Variants in STK4 observed in about 807,000 individuals in gnomAD.
STK4 encodes serine/threonine-protein kinase 4.
A neutral mutation model predicts 64.9 loss-of-function variants in STK4; 30 were observed. The ratio of observed to expected loss-of-function variants is 0.46; its 90% CI spans 0.35 to 0.63. STK4 has a LOEUF of 0.63. Ranked by LOEUF, STK4 falls within the 20% of genes least tolerant of loss-of-function variation. STK4 has a pLI of 0.01. For synonymous variants in STK4, 177 were observed against 199.0 expected (o/e 0.89, Z 0.93); for missense variants, 466 against 598.5 (o/e 0.78, Z 2.31).
chr20:45,050,983 C>T (rs902915432), intron 10 of STK4, among the ~76,000 whole-genome samples: 2 of 152,110 alleles, frequency 1.3e-5, no homozygotes, highest in East Asian at 1.9e-4. Flanking sequence ...TTAAAAAATA[C>T]ATAATTAATT....
intron 9 of STK4, among the ~76,000 whole-genome samples, chr20:45,023,862 T>G (rs2145379081): frequency 6.6e-6 from 1 of 151,822 alleles, no homozygotes; most frequent in East Asian, 1.9e-4. Context: ...TTTAATCAAT[T>G]CTATTTATTT....
At chr20:45,011,885 G>C (rs2068057667) in intron 9 of STK4, among the ~76,000 whole-genome samples, 1 of 150,944 alleles carries the variant, frequency 6.6e-6, no homozygotes, top group African/African-American at 2.4e-5. Flanking sequence ...TTTTCCATCT[G>C]AAAGACTTGC....
intron 1 of STK4, chr20:44,970,642 T>C (rs1043734702): frequency 3.9e-5 from 6 of 152,246 alleles, no homozygotes; most frequent in Non-Finnish European, 7.3e-5. Context: ...ATTTAATTTT[T>C]AGGACCTTTT....
chr20:45,036,952 A>G (rs2068538045), intron 10 of STK4, among the ~76,000 whole-genome samples: 1 of 152,152 alleles, frequency 6.6e-6, no homozygotes, highest in African/African-American at 2.4e-5. Flanking sequence ...GTATTTGTCA[A>G]TTAAAAGAAA....
At chr20:44,989,409 G>A (rs535403266) in intron 5 of STK4, among the ~76,000 whole-genome samples, 1 of 151,934 alleles carries the variant, frequency 6.6e-6, no homozygotes, top group Non-Finnish European at 1.5e-5. Context: ...GGGTATCTTT[G>A]GGAAAATGTC....
chr20:45,018,202 A>AGTT lies in STK4; in HGVS notation c.1148-6746_1148-6744dup, dbSNP rs555205856. On this transcript the variant is annotated intron_variant, in intron 9 of 10. Transcript: ENST00000372806. ...AGGAAAACATTTGCAGGATTACCAG[A>AGTT]GTTGTTGTTGTTGTTGTTGTTGTTG... 1.7e-3 allele frequency among the ~76,000 whole-genome samples: 259 copies of AGTT among 152,038 alleles called. 1 individual carries two copies. Among genetic ancestry groups the AGTT allele is most frequent in the South Asian group, 4.2e-3 (20 of 4,818 alleles).
chr20:45,066,181 T>TACACACACACACAC (rs11472596), intron 10 of STK4, among the ~76,000 whole-genome samples: 44 of 147,620 alleles, frequency 3.0e-4, no homozygotes, highest in South Asian at 1.7e-3. Flanking sequence ...ATTATATATC[T>TACACACACACACAC]ACACACACAC....
chr20:45,053,194 A>T (rs913327838), intron 10 of STK4: 2 of 1,604,554 alleles, frequency 1.2e-6, no homozygotes, highest in African/African-American at 1.3e-5. Context: ...AATGAATGTC[A>T]TCTTTGTCTC....
At chr20:44,990,317 C>T (rs1452995357) in intron 5 of STK4, among the ~76,000 whole-genome samples, 2 of 149,484 alleles carry the variant, frequency 1.3e-5, no homozygotes, top group Non-Finnish European at 3.0e-5. Flanking sequence ...ATGGATTTGC[C>T]TTATTTTCAG....
chr20:45,001,311 G>T lies in STK4; in HGVS notation c.1105G>T (p.Val369Leu). Residue 369 changes from valine to leucine, a missense_variant, in exon 9 of 11, where the codon GTG becomes TTG. Around this residue, in one of 2 missense-constraint regions of STK4, gnomAD observed 276 missense variants for 308.9 expected, o/e 0.89. Transcript: ENST00000372806. Reference sequence around the variant, plus strand: ...GTTGCCATCACAACTGGGCACCATGGTGATCAATGCAGAGGATGAGGAAGA... The same window carrying T: ...GTTGCCATCACAACTGGGCACCATGTTGATCAATGCAGAGGATGAGGAAGA... ...DTLPSQLGTM[V>L]INAEDEEEEG... 1.2e-6 allele frequency: 2 copies of T among 1,614,158 alleles called. No homozygotes were observed. Among genetic ancestry groups the T allele is most frequent in the Non-Finnish European group, 1.7e-6 (2 of 1,179,998 alleles).
In STK4 at chr20:45,011,283, G is replaced by A. The variant is rs145379024; in HGVS notation, c.1147+9930G>A. Among the ~76,000 whole-genome samples the A allele has an allele frequency of 9.2e-5, 14 of 152,228 alleles. No homozygotes were observed. The East Asian group carries it at 2.7e-3, about 29-fold the overall frequency. ...TCTCTGGGCCAGCAGAGGGAGCTCT[G>A]TATTAAGTTAATGGGTTATAATCGT... On this transcript the variant is annotated intron_variant, in intron 9 of 10. Coordinates refer to ENST00000372806, the MANE Select transcript of STK4 (RefSeq NM_006282.5).
intron 10 of STK4, among the ~76,000 whole-genome samples, chr20:45,062,640 G>A (rs921613007): frequency 1.1e-4 from 17 of 152,088 alleles, no homozygotes; most frequent in African/African-American, 3.9e-4. Flanking sequence ...GATGTGAGAC[G>A]ATAATCTTAC....
intron 10 of STK4, among the ~76,000 whole-genome samples, chr20:45,051,606 T>C (rs1361286898): frequency 6.6e-6 from 1 of 152,254 alleles, no homozygotes; most frequent in African/African-American, 2.4e-5. Flanking sequence ...ACTGCAGCGA[T>C]GCATTGCTCT....
chr20:44,981,777 A>T, intron 3 of STK4, 52 bp from the exon 4 acceptor site: 2 of 1,046,454 alleles, frequency 1.9e-6, no homozygotes, highest in Non-Finnish European at 3.0e-6. Context: ...AGCATGAATT[A>T]AGAGATATTT....
chr20:44,968,607 C>T (rs1222421584), intron 1 of STK4, among the ~76,000 whole-genome samples: 1 of 152,190 alleles, frequency 6.6e-6, no homozygotes. Flanking sequence ...TTTCTTTCTC[C>T]GAGGCCTTGG....
intron 10 of STK4, among the ~76,000 whole-genome samples, chr20:45,067,138 ACTTT>A (rs1293338058): frequency 2.0e-5 from 3 of 151,874 alleles, no homozygotes; most frequent in African/African-American, 7.3e-5. Flanking sequence ...ACTTTTCCGG[ACTTT>A]CTAGTGGCCA....
chr20:44,976,962 A>G (rs2067349680), intron 2 of STK4, among the ~76,000 whole-genome samples: 1 of 152,204 alleles, frequency 6.6e-6, no homozygotes, highest in Non-Finnish European at 1.5e-5. Flanking sequence ...AGTCTTTCCC[A>G]GAAACCTTTC....
Position 45,075,872 on chromosome 20 carries a change from G to A in STK4, c.*696G>A, listed in dbSNP as rs1272052935. 6.5e-6 allele frequency: 1 copy of A among 152,692 alleles called. No homozygotes were observed. Among genetic ancestry groups the A allele is most frequent in the Admixed American group, 6.5e-5 (1 of 15,280 alleles). The allele number at this position is 152,692 out of a possible 1,614,324, so 9.5% of individuals were successfully genotyped here. ...GTTTACTCTTTGAGTCCCAGGAGAA[G>A]CCTGGCACCCTCTTTGCAAATTGGC... On this transcript the variant is annotated 3_prime_UTR_variant, in exon 11 of 11. Coordinates refer to ENST00000372806, the MANE Select transcript of STK4 (RefSeq NM_006282.5).
intron 10 of STK4, 28 bp from the exon 11 acceptor site, chr20:45,074,990 G>T: frequency 6.2e-7 from 1 of 1,613,344 alleles, no homozygotes; most frequent in Non-Finnish European, 8.5e-7. Flanking sequence ...AAGCTTTGTC[G>T]TGACTATACC....
Sources: gnomAD v4.1 joint callset for allele counts (sites outside exome capture counted in the v4.1 genomes callset) on GRCh38, gnomAD v4.1.1 for gene constraint, gnomAD v4.1.1 regional missense constraint, MANE v1.5 for transcripts, NCBI Gene and HGNC (gene_info 2026-07-23, HGNC 2026-07-21) for gene names.